Variants in POTEB observed in about 807,000 individuals in gnomAD.
The protein encoded by POTEB is ANKRD26-like family B, member 1.
rs758633673 is a variant in POTEB, at chr15:21,855,261, G to C, written c.1298+1531C>G. On this transcript the variant is annotated intron_variant, in intron 9 of 10. Coordinates refer to ENST00000439682, the MANE Select transcript of POTEB (RefSeq NM_001277304.2). ...CACCTTCCTTTTAGCACAAGGGTCA[G>C]CAAATTAGCACCTGTGGGCCAAATC... is the stretch of plus-strand genomic sequence containing the variant. Among the ~76,000 whole-genome samples the C allele has an allele frequency of 9.5e-3, 1,406 of 147,778 alleles. 22 individuals are homozygous for C. The highest frequency in any genetic ancestry group is 0.015 in the Non-Finnish European group (975 of 65,978).
Position 21,871,403 on chromosome 15 carries a change from AC to A in POTEB, c.699+603del, listed in dbSNP as rs1375920519. Reference sequence around the variant, plus strand: ...CACACACACACACACACACACACACACAAACAAAAACAAAAACAAAAACAAA... The same window carrying A: ...CACACACACACACACACACACACACAAAACAAAAACAAAAACAAAAACAAA... On this transcript the variant is annotated intron_variant, in intron 3 of 10. Coordinates refer to ENST00000439682, the MANE Select transcript of POTEB (RefSeq NM_001277304.2). 2.8e-3 allele frequency among the ~76,000 whole-genome samples: 57 copies of A among 20,058 alleles called. 9 individuals are homozygous for A. The highest frequency in any genetic ancestry group is 0.019 in the Middle Eastern group (1 of 54). The allele number at this position is 20,058 out of a possible 152,430, so 13.2% of individuals were successfully genotyped here.
chr15:21,855,373 G>A (rs1171113969), intron 9 of POTEB, among the ~76,000 whole-genome samples: 2 of 146,704 alleles, frequency 1.4e-5, no homozygotes, highest in Non-Finnish European at 3.0e-5. Flanking sequence ...AATTAGCTGG[G>A]TGTGATGTTG....
intron 3 of POTEB, among the ~76,000 whole-genome samples, chr15:21,871,392 C>CAAAAAA (rs1344792248): frequency 5.0e-5 from 1 of 20,076 alleles, no homozygotes; most frequent in African/African-American, 1.1e-4. Context: ...CACACACACA[C>CAAAAAA]ACACACACAC....
At chr15:21,849,748 TAG>T (rs1163948610) in intron 9 of POTEB, among the ~76,000 whole-genome samples, 43 of 15,104 alleles carry the variant, frequency 2.8e-3, no homozygotes, top group African/African-American at 5.5e-3. Context: ...GTCATTCATG[TAG>T]AACCACAAAA....
intron 9 of POTEB, among the ~76,000 whole-genome samples, chr15:21,855,252 C>G (rs1470836740): frequency 1.3e-5 from 2 of 148,326 alleles, no homozygotes; most frequent in African/African-American, 4.9e-5. Context: ...CCTTTTAGCA[C>G]AAGGGTCAGC....
intron 9 of POTEB, among the ~76,000 whole-genome samples, chr15:21,855,275 G>T (rs1408879116): frequency 9.4e-5 from 14 of 148,498 alleles, no homozygotes; most frequent in Non-Finnish European, 1.5e-5. Context: ...ATTAGCACCT[G>T]TGGGCCAAAT....
At chr15:21,863,153 AAC>A (rs1451797998) in intron 6 of POTEB, among the ~76,000 whole-genome samples, 1 of 26,272 alleles carries the variant, frequency 3.8e-5, no homozygotes, top group East Asian at 7.5e-4. Flanking sequence ...ACATGAAGAA[AAC>A]ACTGCCAACA....
intron 9 of POTEB, among the ~76,000 whole-genome samples, chr15:21,854,450 T>C (rs530181995): frequency 2.5e-4 from 37 of 150,186 alleles, no homozygotes; most frequent in Non-Finnish European, 4.5e-4. Flanking sequence ...GGAGATGCCC[T>C]CCATTGGCTC....
chr15:21,855,196 T>C (rs1324115329), intron 9 of POTEB, among the ~76,000 whole-genome samples: 1 of 148,420 alleles, frequency 6.7e-6, no homozygotes, highest in Non-Finnish European at 1.5e-5. Context: ...CTGTCACACA[T>C]GCTGGGCACT....
intron 7 of POTEB, among the ~76,000 whole-genome samples, chr15:21,859,088 AC>A (rs1260247821): frequency 2.6e-5 from 1 of 38,468 alleles, no homozygotes; most frequent in Non-Finnish European, 4.6e-5. Context: ...AAAAGAACAA[AC>A]AAAGGTCTGG....
rs1158426336 is a variant in POTEB at position 21,855,186 on chromosome 15, C to T, written c.1298+1606G>A. On this transcript the variant is annotated intron_variant, in intron 9 of 10. Transcript: ENST00000439682. ...ATATCTTTTTCTCAAAGGAAAGATACTGTCACACATGCTGGGCACTTTTAT... is the reference window on the plus strand; with the variant it reads ...ATATCTTTTTCTCAAAGGAAAGATATTGTCACACATGCTGGGCACTTTTAT... Among the ~76,000 whole-genome samples, 984 of 147,692 alleles carry T rather than the reference C, an allele frequency of 6.7e-3. 13 individuals carry two copies. The highest frequency in any genetic ancestry group is 0.023 in the African/African-American group (928 of 40,286).
intron 9 of POTEB, among the ~76,000 whole-genome samples, chr15:21,851,553 CA>C (rs1453837571): frequency 7.8e-6 from 1 of 128,034 alleles, no homozygotes; most frequent in Non-Finnish European, 1.7e-5. Flanking sequence ...AGGACTTGAG[CA>C]AAAGCTTCTA....
At chr15:21,854,996 T>C (rs1295120494) in intron 9 of POTEB, among the ~76,000 whole-genome samples, 36 of 142,944 alleles carry the variant, frequency 2.5e-4, no homozygotes, top group African/African-American at 7.8e-4. Context: ...TCTAGGACAG[T>C]TGATGCTCAT....
chr15:21,871,726 C>T (rs1302181830), intron 3 of POTEB, among the ~76,000 whole-genome samples: 1 of 12,004 alleles, frequency 8.3e-5, no homozygotes. Flanking sequence ...AAAAACTTGG[C>T]AGGGAAAAAT....
chr15:21,854,469 C>T (rs376906482), intron 9 of POTEB, among the ~76,000 whole-genome samples: 2 of 150,492 alleles, frequency 1.3e-5, no homozygotes, highest in East Asian at 1.9e-4. Flanking sequence ...TCAAATATTG[C>T]TGACAGATTA....
chr15:21,871,404 C>CAAACAA (rs1190743498), intron 3 of POTEB, among the ~76,000 whole-genome samples: 268 of 19,258 alleles, frequency 0.014, 39 homozygotes, highest in African/African-American at 0.032. Flanking sequence ...CACACACACA[C>CAAACAA]AAACAAAAAC....
At chr15:21,855,091 T>C (rs1383734076) in intron 9 of POTEB, among the ~76,000 whole-genome samples, 1 of 147,962 alleles carries the variant, frequency 6.8e-6, no homozygotes, top group Non-Finnish European at 1.5e-5. Context: ...AATAATCTTA[T>C]TTTACAAATG....
intron 9 of POTEB, among the ~76,000 whole-genome samples, chr15:21,854,966 CT>C (rs1889846931): frequency 7.0e-6 from 1 of 143,276 alleles, no homozygotes; most frequent in African/African-American, 2.5e-5. Flanking sequence ...GTATTTCTTG[CT>C]TGATAAAAAT....
intron 3 of POTEB, among the ~76,000 whole-genome samples, chr15:21,871,404 C>CACACACACAAACAA (rs1378742867): frequency 4.1e-4 from 8 of 19,278 alleles, no homozygotes; most frequent in African/African-American, 1.0e-3. Flanking sequence ...CACACACACA[C>CACACACACAAACAA]AAACAAAAAC....
Sources: gnomAD v4.1 joint callset for allele counts (sites outside exome capture counted in the v4.1 genomes callset) on GRCh38, gnomAD v4.1.1 for gene constraint, MANE v1.5 for transcripts, NCBI Gene and HGNC (gene_info 2026-07-23, HGNC 2026-07-21) for gene names.